The following TNNI3K variants were observed in gnomAD, a reference collection of about 807,000 sequenced individuals.
TNNI3K encodes serine/threonine-protein kinase TNNI3K.
TNNI3K carries 140 observed loss-of-function variants against 114.5 expected under a neutral mutation model. That is an observed-to-expected ratio of 1.22 (90% CI 1.07 to 1.41). TNNI3K has a LOEUF of 1.41. Ranked by LOEUF, TNNI3K falls within the 40% of genes most tolerant of loss-of-function variation. TNNI3K has a pLI of 0.00. For synonymous variants in TNNI3K, 347 were observed against 347.5 expected (o/e 1.00, Z 0.02); for missense variants, 1,125 against 1,007.6 (o/e 1.12, Z -1.58).
chr1:74,472,331 T>A lies in TNNI3K; in HGVS notation c.2121+8781T>A, dbSNP rs951726455. ...ATAATTGCAGTTCTTCACTATTTCC[T>A]AATTTGTAACCAAACCTACAAAGGA... On this transcript the variant is annotated intron_variant, in intron 21 of 24. Coordinates refer to ENST00000326637, the MANE Select transcript of TNNI3K (RefSeq NM_015978.3). The A allele has an allele frequency of 5.0e-6, 3 of 594,760 alleles. No individual in the cohort carries two copies. The African/African-American group carries it at 5.6e-5, about 11-fold the overall frequency. The allele number at this position is 594,760 out of a possible 1,614,324, so 36.8% of individuals were successfully genotyped here. A position where few individuals can be genotyped will look rare whatever the true frequency, so the allele number is the denominator to read the frequency against.
At chr1:74,445,017 T>G (rs185236619) in intron 20 of TNNI3K, among the ~76,000 whole-genome samples, 154 of 152,142 alleles carry the variant, frequency 1.0e-3, no homozygotes, top group African/African-American at 3.6e-3. Flanking sequence ...TCCTTATATC[T>G]TATACAAAAA....
chr1:74,504,227 A>G (rs1343800464), intron 23 of TNNI3K, among the ~76,000 whole-genome samples: 4 of 152,220 alleles, frequency 2.6e-5, no homozygotes, highest in Admixed American at 2.0e-4. Flanking sequence ...CTGTGATGAA[A>G]GGTGATAGGG....
At chr1:74,344,761 G>A (rs1212478970) in intron 9 of TNNI3K, among the ~76,000 whole-genome samples, 2 of 152,170 alleles carry the variant, frequency 1.3e-5, no homozygotes, top group Non-Finnish European at 2.9e-5. Flanking sequence ...TGTAAAGTGA[G>A]TTGAAAGTAT....
rs72969873 is a variant in TNNI3K at position 74,469,641 on chromosome 1, T to C, written c.2121+6091T>C. 1.8e-3 allele frequency: 624 copies of C among 354,088 alleles called. 3 individuals are homozygous for C. The highest frequency in any genetic ancestry group is 0.012 in the African/African-American group (576 of 47,840). The allele number at this position is 354,088 out of a possible 1,614,324, so 21.9% of individuals were successfully genotyped here. A position where few individuals can be genotyped will look rare whatever the true frequency, so the allele number is the denominator to read the frequency against. ...TGGCAAAACTTTTCTTACTTGTTTT[T>C]TCATTCCTTAGAGAAGCATACTCAG... On this transcript the variant is annotated intron_variant, in intron 21 of 24. Transcript: ENST00000326637.
intron 4 of TNNI3K, among the ~76,000 whole-genome samples, chr1:74,260,548 G>T (rs746237261): frequency 3.3e-5 from 5 of 152,060 alleles, no homozygotes; most frequent in Non-Finnish European, 7.4e-5. Flanking sequence ...GTGTAGTTTA[G>T]AGTTTTAAGG....
intron 23 of TNNI3K, among the ~76,000 whole-genome samples, chr1:74,504,815 C>T (rs1669808914): frequency 6.6e-6 from 1 of 152,170 alleles, no homozygotes; most frequent in South Asian, 2.1e-4. Context: ...GTCAGCAGTG[C>T]TTGTTAGCGA....
At chr1:74,446,567 G>T (rs1345089158) in intron 20 of TNNI3K, among the ~76,000 whole-genome samples, 1 of 148,298 alleles carries the variant, frequency 6.7e-6, no homozygotes, top group Non-Finnish European at 1.5e-5. Flanking sequence ...TGTCAATTTT[G>T]GCTTTTGTTG....
chr1:74,541,719 T>C (rs564763261), intron 24 of TNNI3K: 18 of 152,020 alleles, frequency 1.2e-4, no homozygotes, highest in Admixed American at 5.9e-4. Flanking sequence ...AAAATTTGGG[T>C]TTTCCTATGC....
intron 2 of TNNI3K, among the ~76,000 whole-genome samples, chr1:74,248,032 G>A (rs1654694210): frequency 6.6e-6 from 1 of 152,126 alleles, no homozygotes; most frequent in Non-Finnish European, 1.5e-5. Context: ...ATGGCGGGCT[G>A]CAGGTCCTGA....
intron 20 of TNNI3K, among the ~76,000 whole-genome samples, chr1:74,445,494 G>C (rs1666603123): frequency 6.8e-6 from 1 of 146,496 alleles, no homozygotes; most frequent in Non-Finnish European, 1.5e-5. Context: ...TCTTGCGATA[G>C]TTTACTGAGA....
At chr1:74,375,576 G>C (rs1662865104) in intron 17 of TNNI3K, 1 of 455,122 alleles carries the variant, frequency 2.2e-6, no homozygotes, top group Non-Finnish European at 4.4e-6. Flanking sequence ...TGCTGTACAG[G>C]ATGGCTCAGC....
Position 74,235,433 on chromosome 1 carries a change from AG to A in TNNI3K, c.-17del, listed in dbSNP as rs1385984890. 1 of 1,509,052 alleles carries A rather than the reference AG, an allele frequency of 6.6e-7. No individual in the cohort carries two copies. The highest frequency in any genetic ancestry group is 1.4e-5 in the African/African-American group (1 of 70,760). 93.5% of individuals were successfully genotyped at this position (1,509,052 alleles called of 1,614,324 possible). A position where few individuals can be genotyped will look rare whatever the true frequency, so the allele number is the denominator to read the frequency against. ...TAACTTGAAGAACTGCCCTGGAGAA[AG>A]GAAGAAACTTATAATAAATGGGAAA... On this transcript the variant is annotated 5_prime_UTR_variant, in exon 1 of 25. Transcript: ENST00000326637.
intron 4 of TNNI3K, among the ~76,000 whole-genome samples, chr1:74,255,555 A>G (rs1414859999): frequency 1.3e-5 from 2 of 152,212 alleles, no homozygotes; most frequent in African/African-American, 4.8e-5. Context: ...ATATTTAGCT[A>G]TTTAATACCA....
At chr1:74,513,545 C>G in intron 23 of TNNI3K, among the ~76,000 whole-genome samples, 1 of 152,140 alleles carries the variant, frequency 6.6e-6, no homozygotes, top group East Asian at 1.9e-4. Flanking sequence ...CTTTGTCTTC[C>G]TTTTTTTCTC....
At chr1:74,403,680 T>G (rs747315952) in intron 17 of TNNI3K, among the ~76,000 whole-genome samples, 2 of 152,194 alleles carry the variant, frequency 1.3e-5, no homozygotes, top group Non-Finnish European at 2.9e-5. Flanking sequence ...TATTTGTATT[T>G]GGGGACACAC....
intron 23 of TNNI3K, among the ~76,000 whole-genome samples, chr1:74,521,473 T>TCA (rs145040288): frequency 3.5e-4 from 42 of 121,042 alleles, no homozygotes; most frequent in African/African-American, 8.8e-4. Flanking sequence ...CTTATCTCTC[T>TCA]CACACACACA....
chr1:74,460,259 C>T lies in TNNI3K; in HGVS notation c.2012-3182C>T, dbSNP rs935920893. ...ATTTTTTGTGTTTTTAGTAGAGATG[C>T]GGTTTCACCGTGTTAGCCAGGATGG... On this transcript the variant is annotated intron_variant, in intron 20 of 24. Coordinates refer to ENST00000326637, the MANE Select transcript of TNNI3K (RefSeq NM_015978.3). 1.6e-4 allele frequency among the ~76,000 whole-genome samples: 24 copies of T among 151,956 alleles called. No individual in the cohort carries two copies. The East Asian group carries it at 2.7e-3, about 17-fold the overall frequency.
chr1:74,345,015 G>A (rs559969541), intron 9 of TNNI3K, among the ~76,000 whole-genome samples: 71 of 151,844 alleles, frequency 4.7e-4, no homozygotes, highest in Middle Eastern at 6.8e-3. Context: ...ATATGTACAC[G>A]CATACACGTG....
At position 74,445,221 on chromosome 1, in the gene TNNI3K, CTTT is replaced by C. The variant is rs71078192; in HGVS notation, c.2011+5608_2011+5610del. 3.7e-4 allele frequency among the ~76,000 whole-genome samples: 54 copies of C among 145,610 alleles called. 1 individual carries two copies. The highest frequency in any genetic ancestry group is 3.0e-3 in the East Asian group (15 of 4,978). On this transcript the variant is annotated intron_variant, in intron 20 of 24. Coordinates refer to ENST00000326637, the MANE Select transcript of TNNI3K (RefSeq NM_015978.3). The stretch of plus-strand genomic sequence containing the variant: ...AAGAACTTCTTTTTTTTTTTTCTTT[CTTT>C]TTTTTTTTATTATACTTTAAGTTTT...
Sources: allele counts gnomAD v4.1 joint callset (sites outside exome capture counted in the v4.1 genomes callset), GRCh38; gene constraint gnomAD v4.1.1; transcripts MANE v1.5; gene names NCBI Gene and HGNC (gene_info 2026-07-23, HGNC 2026-07-21).